The following NT5DC4 variants were observed in gnomAD, a reference collection of about 807,000 sequenced individuals.
The protein encoded by NT5DC4 is 5'-nucleotidase domain-containing protein 4.
A neutral mutation model predicts 26.6 loss-of-function variants in NT5DC4; 44 were observed. That is an observed-to-expected ratio of 1.65 (90% confidence interval 1.30 to 2.13). The LOEUF (loss-of-function observed/expected upper bound fraction) is 2.13. NT5DC4 is among the 30% of genes most tolerant of loss of function. NT5DC4 has a pLI of 0.00. For missense variants in NT5DC4, 399 were observed against 228.1 expected (o/e 1.75, Z -4.83); for synonymous variants, 157 against 86.7 (o/e 1.81, Z -4.51).
upstream of NT5DC4, among the ~76,000 whole-genome samples, chr2:112,720,778 T>C (rs1264897894): frequency 1.3e-5 from 2 of 152,232 alleles, no homozygotes; most frequent in Non-Finnish European, 1.5e-5. Flanking sequence ...GGTTCTCCGC[T>C]ACTCTCCAGG....
downstream of NT5DC4, among the ~76,000 whole-genome samples, chr2:112,741,237 T>A (rs1679939441): frequency 6.6e-6 from 1 of 151,952 alleles, no homozygotes. Flanking sequence ...CCCCCGAGAC[T>A]GCTGTACGTA....
chr2:112,729,411 C>T (rs773226310), intron 15 of NT5DC4, among the ~76,000 whole-genome samples: 16 of 152,206 alleles, frequency 1.1e-4, no homozygotes, highest in Non-Finnish European at 1.6e-4. Flanking sequence ...CGTGAGCCAC[C>T]GCGCCTGGCC....
At chr2:112,721,404 A>G in intron 1 of NT5DC4, 1 of 703,446 alleles carries the variant, frequency 1.4e-6, no homozygotes, top group Non-Finnish European at 2.7e-6. Flanking sequence ...CACCACGGAC[A>G]CAGTGACATG....
In NT5DC4 at chr2:112,729,556, A is replaced by G. The variant is rs1431868298; in HGVS notation, c.1267-71A>G. 5 of 715,050 alleles carry G rather than the reference A, an allele frequency of 7.0e-6. 1 individual carries two copies. In the East Asian group the frequency reaches 8.1e-5, roughly 12 times the overall value. The allele number at this position is 715,050 out of a possible 1,614,324, so 44.3% of individuals were successfully genotyped here. On this transcript the variant is annotated intron_variant, in intron 15 of 16. Coordinates refer to ENST00000688554, the MANE Select transcript of NT5DC4 (RefSeq NM_001393655.1). ...CAGCTGTGGGCAGGGGAGCCTGTGC[A>G]TAGCTGAGGAATCCTGGAAGGCCGT...
At chr2:112,729,420 C>T (rs1318435240) in intron 15 of NT5DC4, among the ~76,000 whole-genome samples, 1 of 152,252 alleles carries the variant, frequency 6.6e-6, no homozygotes, top group Admixed American at 6.5e-5. Flanking sequence ...CCGCGCCTGG[C>T]CTTGGCCTGG....
intron 10 of NT5DC4, 140 bp from the exon 11 acceptor site, chr2:112,724,641 G>A (rs1297352881): frequency 9.6e-6 from 6 of 621,980 alleles, no homozygotes; most frequent in South Asian, 5.5e-5. Context: ...GCTGGGCAGC[G>A]AGACCGGGTT....
At chr2:112,725,039 C>A in intron 11 of NT5DC4, 133 bp downstream of exon 11, 1 of 651,772 alleles carries the variant, frequency 1.5e-6, no homozygotes, top group Admixed American at 2.3e-5. Flanking sequence ...AGGCCGCCTT[C>A]AGCGCCCTCT....
chr2:112,724,171 A>G, intron 10 of NT5DC4, 45 bp downstream of exon 10: 1 of 716,664 alleles, frequency 1.4e-6, no homozygotes, highest in Non-Finnish European at 2.6e-6. Context: ...GGGCTGTGCA[A>G]AGGGCCAGGG....
downstream of NT5DC4, among the ~76,000 whole-genome samples, chr2:112,740,080 C>G (rs1271446742): frequency 7.2e-5 from 11 of 152,162 alleles, no homozygotes; most frequent in Non-Finnish European, 1.6e-4. Context: ...TTTGTGAATT[C>G]TAGAGCCATT....
At chr2:112,725,106 C>G (rs544045176) in intron 11 of NT5DC4, 68 bp from the exon 12 acceptor site, 3 of 676,258 alleles carry the variant, frequency 4.4e-6, no homozygotes, top group Non-Finnish European at 8.4e-6. Context: ...CAGCTCCCTG[C>G]GACCCTCCCT....
upstream of NT5DC4, among the ~76,000 whole-genome samples, chr2:112,720,235 CT>C (rs1558716471): frequency 1.6e-3 from 3 of 1,928 alleles, no homozygotes; most frequent in African/African-American, 2.8e-3. Context: ...TTTTTTTTTT[CT>C]TCGTATTTTT....
downstream of NT5DC4, chr2:112,739,144 C>T (rs1679660105): frequency 1.1e-6 from 1 of 925,048 alleles, no homozygotes; most frequent in Non-Finnish European, 1.7e-6. Context: ...ACAGGGAAGA[C>T]ATTTTAACAT....
At chr2:112,733,024 G>A (rs1161220993) in intron 16 of NT5DC4, among the ~76,000 whole-genome samples, 1 of 152,112 alleles carries the variant, frequency 6.6e-6, no homozygotes, top group African/African-American at 2.4e-5. Flanking sequence ...TTTATTGAAA[G>A]ACACATGTCA....
At position 112,734,195 on chromosome 2, in the gene NT5DC4, G is replaced by GTGTGTGTGTGTT. The variant is rs1553437320; in HGVS notation, c.1344+4498_1344+4499insGTGTTTGTGTGT. 2.9e-3 allele frequency among the ~76,000 whole-genome samples: 444 copies of GTGTGTGTGTGTT among 151,508 alleles called. 1 individual carries two copies. The highest frequency in any genetic ancestry group is 0.01 in the African/African-American group (423 of 40,912). On this transcript the variant is annotated intron_variant, in intron 16 of 16. Coordinates refer to ENST00000688554, the MANE Select transcript of NT5DC4 (RefSeq NM_001393655.1). ...TGTGTGTGTGTGTGTGTGTGTGTGT[G>GTGTGTGTGTGTT]TGTGTGTACATTAGTCAGGATTTTT...
chr2:112,738,757 T>TG, intron 16 of NT5DC4, 156 bp from the exon 17 acceptor site: 1 of 1,104,208 alleles, frequency 9.1e-7, no homozygotes. Flanking sequence ...CCAGGTCACT[T>TG]GGACAAGAAT....
At chr2:112,732,381 C>T (rs976354685) in intron 16 of NT5DC4, among the ~76,000 whole-genome samples, 29 of 150,484 alleles carry the variant, frequency 1.9e-4, no homozygotes, top group African/African-American at 6.8e-4. Context: ...GGCAGGTTCT[C>T]CAGTAAATCC....
intron 16 of NT5DC4, among the ~76,000 whole-genome samples, chr2:112,730,262 G>A (rs1475100217): frequency 1.2e-4 from 16 of 132,046 alleles, no homozygotes; most frequent in African/African-American, 4.5e-4. Flanking sequence ...GCGGTGAGCT[G>A]AGATTGCACC....
At chr2:112,719,988 T>TTC (rs1431664866), upstream of NT5DC4, among the ~76,000 whole-genome samples, 467 of 120,792 alleles carry the variant, frequency 3.9e-3, 1 homozygote, top group African/African-American at 0.014. Flanking sequence ...CTTTCTTTCT[T>TTC]TTTCTTTTCT....
chr2:112,724,523 T>C, intron 10 of NT5DC4: 1 of 578,304 alleles, frequency 1.7e-6, no homozygotes, highest in Non-Finnish European at 3.1e-6. Flanking sequence ...CCTGGGTCTC[T>C]GTGCTGTGAG....
Sources: gnomAD v4.1 joint callset for allele counts (sites outside exome capture counted in the v4.1 genomes callset) on GRCh38, gnomAD v4.1.1 for gene constraint, MANE v1.5 for transcripts, NCBI Gene and HGNC (gene_info 2026-07-23, HGNC 2026-07-21) for gene names.